Variants in RALA observed in about 807,000 individuals in gnomAD.
The protein encoded by RALA is ras-related protein Ral-A.
RALA carries 5 observed loss-of-function variants against 24.0 expected under a neutral mutation model. That is an observed-to-expected ratio of 0.21 (90% CI 0.11 to 0.44). The LOEUF is 0.44. Among genes scored for constraint, RALA ranks in the 20% least tolerant of loss-of-function variants. The pLI is 0.99. For missense variants in RALA, 95 were observed against 241.2 expected (o/e 0.39, Z 4.01); for synonymous variants, 77 against 83.8 (o/e 0.92, Z 0.44).
intron 2 of RALA, 117 bp downstream of exon 2, chr7:39,686,898 TTTTTCA>T: frequency 1.3e-6 from 1 of 758,626 alleles, no homozygotes; most frequent in Non-Finnish European, 2.1e-6. Context: ...TAATAATTTT[TTTTTCA>T]TTTTTGTGTT....
intron 4 of RALA, among the ~76,000 whole-genome samples, chr7:39,703,476 C>T (rs569752983): frequency 1.0e-3 from 157 of 152,294 alleles, no homozygotes; most frequent in African/African-American, 3.7e-3. Context: ...TTGACTCAGC[C>T]CATTCATCTT....
At chr7:39,631,515 T>G (rs888703783) in intron 1 of RALA, among the ~76,000 whole-genome samples, 3 of 152,226 alleles carry the variant, frequency 2.0e-5, no homozygotes, top group African/African-American at 7.2e-5. Flanking sequence ...TGTGCCACCA[T>G]GCCCTGCTAG....
Position 39,631,053 on chromosome 7 carries a change from G to A in RALA, c.-38+7228G>A, listed in dbSNP as rs139520433. On this transcript the variant is annotated intron_variant, in intron 1 of 4. Coordinates refer to ENST00000005257, the MANE Select transcript of RALA (RefSeq NM_005402.4). ...GACAGAGTTTCACTGTGTCACCCAG[G>A]CTGGAGTGCAGTGGTGCGATCTCAG... Among the ~76,000 whole-genome samples the A allele has an allele frequency of 1.5e-4, 22 of 151,326 alleles. No individual in the cohort carries two copies. In the East Asian group the frequency reaches 4.3e-3, roughly 29 times the overall value.
chr7:39,693,404 A>T (rs866630609), intron 3 of RALA, among the ~76,000 whole-genome samples: 11 of 151,186 alleles, frequency 7.3e-5, no homozygotes, highest in Admixed American at 2.0e-4. Flanking sequence ...AACATCACAC[A>T]CTGGGGCCTA....
chr7:39,680,229 TGTG>T (rs1303286224), intron 1 of RALA, among the ~76,000 whole-genome samples: 1 of 151,474 alleles, frequency 6.6e-6, no homozygotes, highest in East Asian at 1.9e-4. Context: ...ATTAGCCAGG[TGTG>T]GTGGCATGCA....
chr7:39,637,536 A>G (rs945333362), intron 1 of RALA, among the ~76,000 whole-genome samples: 23 of 152,188 alleles, frequency 1.5e-4, no homozygotes, highest in African/African-American at 5.3e-4. Context: ...GTCTCTGAAT[A>G]ATTATTTTAT....
At chr7:39,648,232 G>C (rs1240083462) in intron 1 of RALA, among the ~76,000 whole-genome samples, 1 of 152,122 alleles carries the variant, frequency 6.6e-6, no homozygotes, top group East Asian at 1.9e-4. Context: ...GTTTGTAGTG[G>C]CAGAAAACCG....
At chr7:39,628,376 TACAC>T (rs36095637) in intron 1 of RALA, among the ~76,000 whole-genome samples, 17,260 of 144,862 alleles carry the variant, frequency 0.12, 1,208 homozygotes, top group Middle Eastern at 0.19. Flanking sequence ...ACCTCATAAC[TACAC>T]ACACACACAC....
chr7:39,679,251 G>T (rs574255306), intron 1 of RALA, among the ~76,000 whole-genome samples: 1 of 152,052 alleles, frequency 6.6e-6, no homozygotes, highest in Admixed American at 6.5e-5. Context: ...TCTGTAAAGG[G>T]CCGACAGAAA....
chr7:39,658,478 A>G (rs1006522282), intron 1 of RALA, among the ~76,000 whole-genome samples: 12 of 152,142 alleles, frequency 7.9e-5, no homozygotes, highest in African/African-American at 2.9e-4. Flanking sequence ...TTGTATGTAT[A>G]TATATATATA....
intron 1 of RALA, among the ~76,000 whole-genome samples, chr7:39,643,870 A>G (rs1278910888): frequency 6.6e-6 from 1 of 152,128 alleles, no homozygotes; most frequent in Non-Finnish European, 1.5e-5. Context: ...AAAAGAAATA[A>G]AGAGAGAAAG....
chr7:39,687,268 A>C (rs146538255), intron 2 of RALA, among the ~76,000 whole-genome samples: 2,356 of 152,254 alleles, frequency 0.015, 30 homozygotes, highest in Middle Eastern at 0.034. Flanking sequence ...TATACTAAAA[A>C]TACAAAAAAT....
At chr7:39,675,826 C>A (rs986062742) in intron 1 of RALA, among the ~76,000 whole-genome samples, 9 of 151,170 alleles carry the variant, frequency 6.0e-5, no homozygotes, top group Non-Finnish European at 1.3e-4. Context: ...TTTTATATTA[C>A]CTGTGTTTTT....
intron 2 of RALA, among the ~76,000 whole-genome samples, chr7:39,687,142 T>C (rs113907385): frequency 2.6e-5 from 4 of 152,296 alleles, no homozygotes; most frequent in African/African-American, 9.6e-5. Flanking sequence ...AAATATCTTT[T>C]AGGCTGGGCA....
chr7:39,696,342 G>A (rs976902916), intron 3 of RALA, among the ~76,000 whole-genome samples: 1 of 152,140 alleles, frequency 6.6e-6, no homozygotes, highest in Non-Finnish European at 1.5e-5. Context: ...TGTACAAACT[G>A]CCAGCCAGCA....
chr7:39,635,361 C>G (rs1791670197), intron 1 of RALA, among the ~76,000 whole-genome samples: 1 of 152,068 alleles, frequency 6.6e-6, no homozygotes, highest in Non-Finnish European at 1.5e-5. Flanking sequence ...GGCAACAGAG[C>G]CAGACCTGTC....
chr7:39,698,737 TA>T (rs759801189), intron 4 of RALA, among the ~76,000 whole-genome samples: 5 of 152,160 alleles, frequency 3.3e-5, no homozygotes, highest in Non-Finnish European at 7.3e-5. Flanking sequence ...AGCTATATTG[TA>T]ACAGTCCTTG....
At chr7:39,685,435 A>G (rs945903392) in intron 1 of RALA, among the ~76,000 whole-genome samples, 1 of 152,234 alleles carries the variant, frequency 6.6e-6, no homozygotes, top group African/African-American at 2.4e-5. Context: ...GTCCGAAACA[A>G]GTCAAAGAGT....
At chr7:39,642,326 T>TA (rs1791832835) in intron 1 of RALA, among the ~76,000 whole-genome samples, 1 of 152,036 alleles carries the variant, frequency 6.6e-6, no homozygotes, top group African/African-American at 2.4e-5. Context: ...GGTGGAAAGG[T>TA]AAAGATATAG....
Sources: gnomAD v4.1 joint callset for allele counts (sites outside exome capture counted in the v4.1 genomes callset) on GRCh38, gnomAD v4.1.1 for gene constraint, MANE v1.5 for transcripts, NCBI Gene and HGNC (gene_info 2026-07-23, HGNC 2026-07-21) for gene names.